Variants in KDM2A observed in about 807,000 individuals in gnomAD.
The protein encoded by KDM2A is lysine-specific demethylase 2A.
In KDM2A, 3 loss-of-function variants were observed where a neutral mutation model predicts 137.3. That is an observed-to-expected ratio of 0.02 (90% CI 0.01 to 0.06). KDM2A has a LOEUF of 0.06. KDM2A is among the 10% of genes least tolerant of loss of function. The pLI is 1.00. For missense variants in KDM2A, 738 were observed against 1,510.6 expected (o/e 0.49, Z 8.48); for synonymous variants, 512 against 541.5 (o/e 0.95, Z 0.76).
intron 5 of KDM2A, among the ~76,000 whole-genome samples, chr11:67,207,291 T>C (rs897793158): frequency 6.6e-6 from 1 of 152,220 alleles, no homozygotes; most frequent in Non-Finnish European, 1.5e-5. Context: ...ACTGACTGTA[T>C]AGTAAACATG....
chr11:67,153,549 C>T (rs895337795), intron 2 of KDM2A, among the ~76,000 whole-genome samples: 4 of 152,060 alleles, frequency 2.6e-5, no homozygotes, highest in Non-Finnish European at 5.9e-5. Flanking sequence ...GAAAGAATAG[C>T]GTAAAGAACA....
chr11:67,220,258 C>T (rs1289972122), intron 10 of KDM2A, among the ~76,000 whole-genome samples: 10 of 152,140 alleles, frequency 6.6e-5, no homozygotes, highest in African/African-American at 1.9e-4. Context: ...GTGATCTGCC[C>T]GCTTTGGCCT....
At chr11:67,120,690 T>A (rs1345233467) in intron 1 of KDM2A, among the ~76,000 whole-genome samples, 1 of 151,954 alleles carries the variant, frequency 6.6e-6, no homozygotes, top group Admixed American at 6.6e-5. Flanking sequence ...ATCCGGGGAG[T>A]CTAGAAAGGA....
intron 13 of KDM2A, among the ~76,000 whole-genome samples, chr11:67,244,518 G>T (rs1420769627): frequency 6.6e-6 from 1 of 150,980 alleles, no homozygotes; most frequent in Non-Finnish European, 1.5e-5. Context: ...AAAGCTCAGG[G>T]AGGGGTGAAT....
chr11:67,252,562 G>T lies in KDM2A; in HGVS notation c.2769-132G>T, dbSNP rs954700412. ...ATTCTGTGAGGCAAAAAATGATAAG[G>T]TGTGATCCCTGTACACTTGTAGAAG... is the stretch of plus-strand genomic sequence containing the variant. On this transcript the variant is annotated intron_variant, in intron 17 of 20. Coordinates refer to ENST00000529006, the MANE Select transcript of KDM2A (RefSeq NM_012308.3). 20 of 995,300 alleles carry T rather than the reference G, an allele frequency of 2.0e-5. No individual in the cohort carries two copies. In the African/African-American group the frequency reaches 3.0e-4, roughly 15 times the overall value. 61.7% of individuals were successfully genotyped at this position (995,300 alleles called of 1,614,324 possible). A position where few individuals can be genotyped will look rare whatever the true frequency, so the allele number is the denominator to read the frequency against.
intron 6 of KDM2A, among the ~76,000 whole-genome samples, chr11:67,209,490 C>T (rs1042787904): frequency 5.3e-5 from 8 of 151,156 alleles, no homozygotes; most frequent in Non-Finnish European, 7.4e-5. Flanking sequence ...GTTGCCCAGG[C>T]TTTAGTGCAG....
At chr11:67,154,288 A>C (rs1856467275) in intron 2 of KDM2A, among the ~76,000 whole-genome samples, 1 of 152,208 alleles carries the variant, frequency 6.6e-6, no homozygotes, top group African/African-American at 2.4e-5. Context: ...TTTTAAATTG[A>C]GGTAAAATTT....
At chr11:67,207,757 A>G in intron 6 of KDM2A, 69 bp downstream of exon 6, 2 of 1,291,592 alleles carry the variant, frequency 1.5e-6, no homozygotes, top group Non-Finnish European at 2.1e-6. Context: ...GACGTTGGTA[A>G]CTGATGCTTG....
rs1855540281 is a variant in KDM2A at position 67,119,285 on chromosome 11, A to T, written c.-848A>T. 1 of 155,788 alleles carries T rather than the reference A, an allele frequency of 6.4e-6. No individual in the cohort carries two copies. Among genetic ancestry groups the T allele is most frequent in the Non-Finnish European group, 1.4e-5 (1 of 70,604 alleles). 9.7% of individuals were successfully genotyped at this position (155,788 alleles called of 1,614,324 possible). On this transcript the variant is annotated 5_prime_UTR_variant, in exon 1 of 21. Coordinates refer to ENST00000529006, the MANE Select transcript of KDM2A (RefSeq NM_012308.3). ...TGTATGTGAGAGTCTGACGGGTTCAAAATGGCGGCGGCTGCTTCAGCGGCT... is the reference window on the plus strand; with the variant it reads ...TGTATGTGAGAGTCTGACGGGTTCATAATGGCGGCGGCTGCTTCAGCGGCT...
intron 2 of KDM2A, among the ~76,000 whole-genome samples, chr11:67,158,778 C>T (rs910401284): frequency 6.6e-6 from 1 of 152,134 alleles, no homozygotes; most frequent in African/African-American, 2.4e-5. Flanking sequence ...CGTGAACCAC[C>T]GCCCCCAGCC....
chr11:67,121,051 AT>A (rs1305789241), intron 1 of KDM2A, among the ~76,000 whole-genome samples, 182 bp from the exon 2 acceptor site: 1 of 152,178 alleles, frequency 6.6e-6, no homozygotes, highest in Non-Finnish European at 1.5e-5. Flanking sequence ...GACAGTTGTA[AT>A]GTGATTAATG....
chr11:67,184,399 G>A (rs1857157106), intron 5 of KDM2A, among the ~76,000 whole-genome samples: 1 of 152,172 alleles, frequency 6.6e-6, no homozygotes, highest in African/African-American at 2.4e-5. Flanking sequence ...GGAGGCCGAG[G>A]CGGGCATATC....
intron 5 of KDM2A, among the ~76,000 whole-genome samples, chr11:67,194,082 AT>A (rs1198557862): frequency 9.9e-5 from 15 of 152,142 alleles, no homozygotes; most frequent in Admixed American, 3.3e-4. Context: ...TTCTACTTAT[AT>A]TTTCTAATCT....
At position 67,250,836 on chromosome 11, in the gene KDM2A, G is replaced by T; in HGVS notation, c.2768+38G>T. 6.9e-7 allele frequency: 1 copy of T among 1,453,924 alleles called. No individual in the cohort carries two copies. The highest frequency in any genetic ancestry group is 1.4e-5 in the South Asian group (1 of 73,360). The allele number at this position is 1,453,924 out of a possible 1,614,324, so 90.1% of individuals were successfully genotyped here. A position where few individuals can be genotyped will look rare whatever the true frequency, so the allele number is the denominator to read the frequency against. ...TCAGGGGGTCAGGAATTAGGGGTAT[G>T]GGAGTAGGTGGCAGGTTTTCCATAT... On this transcript the variant is annotated intron_variant, in intron 17 of 20. Transcript: ENST00000529006. The surrounding 1 kb of genome is among the most constrained non-coding windows in gnomAD (Gnocchi z 7.1).
chr11:67,150,462 A>G (rs540840667), intron 2 of KDM2A, among the ~76,000 whole-genome samples: 32 of 152,280 alleles, frequency 2.1e-4, no homozygotes, highest in Non-Finnish European at 4.3e-4. Flanking sequence ...GTAGTAATCT[A>G]TAGTATTTTT....
At chr11:67,231,494 G>T in intron 11 of KDM2A, 72 bp from the exon 12 acceptor site, 1 of 1,371,234 alleles carries the variant, frequency 7.3e-7, no homozygotes, top group East Asian at 2.5e-5. Context: ...CCCCTATCAT[G>T]CCACCTATTT....
At position 67,257,581 on chromosome 11, in the gene KDM2A, A is replaced by C. The variant is rs1275006979; in HGVS notation, c.*2526A>C. On this transcript the variant is annotated 3_prime_UTR_variant, in exon 21 of 21. Transcript: ENST00000529006. ...GGGGCGAAAAACCACAAAGGAAAGG[A>C]AGAAAATTTATATATATATAATATA... 1 of 152,484 alleles carries C rather than the reference A, an allele frequency of 6.6e-6. No individual in the cohort carries two copies. The highest frequency in any genetic ancestry group is 1.5e-5 in the Non-Finnish European group (1 of 68,030). 9.4% of individuals were successfully genotyped at this position (152,484 alleles called of 1,614,324 possible).
intron 2 of KDM2A, among the ~76,000 whole-genome samples, chr11:67,160,965 CAA>C (rs1359355778): frequency 6.6e-6 from 1 of 152,116 alleles, no homozygotes; most frequent in African/African-American, 2.4e-5. Flanking sequence ...AATTAATGAA[CAA>C]AAAATAGCAA....
intron 5 of KDM2A, among the ~76,000 whole-genome samples, chr11:67,202,784 AAAAG>A (rs1413549438): frequency 6.6e-6 from 1 of 150,818 alleles, no homozygotes; most frequent in African/African-American, 2.4e-5. Flanking sequence ...TCAAAAAAAA[AAAAG>A]AAAAGAAATT....
Sources: gnomAD v4.1 joint callset for allele counts (sites outside exome capture counted in the v4.1 genomes callset) on GRCh38, gnomAD v4.1.1 for gene constraint, Gnocchi (gnomAD v3.1) non-coding constraint, MANE v1.5 for transcripts, NCBI Gene and HGNC (gene_info 2026-07-23, HGNC 2026-07-21) for gene names.